NBEA: variants seen among roughly 807,000 people sequenced by gnomAD.
NBEA encodes lysosomal-trafficking regulator 2.
A neutral mutation model predicts 343.4 loss-of-function variants in NBEA; 44 were observed. The ratio of observed to expected loss-of-function variants is 0.13; its 90% confidence interval spans 0.10 to 0.16. The LOEUF (loss-of-function observed/expected upper bound fraction) is 0.16, where lower values mean the gene tolerates loss of function less well. Ranked by LOEUF, NBEA falls within the 10% of genes least tolerant of loss-of-function variation. The pLI is 1.00. For synonymous variants in NBEA, 1,175 were observed against 1,238.7 expected (o/e 0.95, Z 1.08); for missense variants, 2,555 against 3,631.3 (o/e 0.70, Z 7.62).
chr13:35,243,812 A>T (rs2030737655), intron 34 of NBEA, among the ~76,000 whole-genome samples: 1 of 151,958 alleles, frequency 6.6e-6, no homozygotes. Flanking sequence ...GGAGACATTC[A>T]TATCCCAATT....
At chr13:35,158,488 G>A (rs1291938157) in intron 21 of NBEA, among the ~76,000 whole-genome samples, 2 of 151,994 alleles carry the variant, frequency 1.3e-5, no homozygotes, top group African/African-American at 4.8e-5. Flanking sequence ...CCTAAGTAAA[G>A]TAACAAAGCC....
At chr13:35,273,758 A>G (rs958464180) in intron 34 of NBEA, among the ~76,000 whole-genome samples, 9 of 152,176 alleles carry the variant, frequency 5.9e-5, no homozygotes, top group African/African-American at 1.7e-4. Context: ...AAACTAGAAA[A>G]TCTAAAAGAA....
intron 41 of NBEA, among the ~76,000 whole-genome samples, chr13:35,509,875 C>T (rs1197462018): frequency 6.6e-6 from 1 of 152,140 alleles, no homozygotes; most frequent in East Asian, 1.9e-4. Context: ...AGGGTTGTTT[C>T]AGCAGATTGT....
intron 38 of NBEA, among the ~76,000 whole-genome samples, chr13:35,424,987 G>A (rs1268432021): frequency 1.3e-5 from 2 of 152,022 alleles, no homozygotes; most frequent in Non-Finnish European, 2.9e-5. Flanking sequence ...TGGGATCGGT[G>A]GTGATATACC....
Position 35,501,839 on chromosome 13 carries a change from CG to C in NBEA, c.6585+29307del, listed in dbSNP as rs535801531. Among the ~76,000 whole-genome samples the C allele has an allele frequency of 4.6e-5, 7 of 152,172 alleles. No individual in the cohort carries two copies. In the South Asian group the frequency reaches 1.5e-3, roughly 32 times the overall value. On this transcript the variant is annotated intron_variant, in intron 41 of 58. Transcript: ENST00000379939. ...TGCAAAGCCTCCAATATGACGGGGG[CG>C]GGGAACCCCTATTAATCCTTTTAAA...
Position 35,156,149 on chromosome 13 carries a change from G to A in NBEA, c.2594G>A (p.Arg865His), listed in dbSNP as rs1479152232. 28 of 1,591,322 alleles carry A rather than the reference G, an allele frequency of 1.8e-5. No homozygotes were observed. The highest frequency in any genetic ancestry group is 2.3e-5 in the Non-Finnish European group (27 of 1,169,722). ...CCAAGTGCAGAGCTGATGGAAGTTC[G>A]TCGTTTATTTTTATCTGATATGATA... ...STPSAELMEV[R>H]RLFLSDMIKL... The change falls in exon 20 of 59, where the codon CGT becomes CAT. Residue 865 changes from arginine to histidine, a missense_variant. Arg to His is a conservative substitution (Grantham distance 29). Coordinates refer to ENST00000379939, the MANE Select transcript of NBEA (RefSeq NM_001385012.1).
At chr13:35,357,723 A>G (rs781287111) in intron 38 of NBEA, among the ~76,000 whole-genome samples, 2 of 151,994 alleles carry the variant, frequency 1.3e-5, no homozygotes, top group African/African-American at 2.4e-5. Context: ...TGTTGATTTC[A>G]TGTCTTTTGA....
At chr13:35,615,141 A>C (rs1043235584) in intron 48 of NBEA, among the ~76,000 whole-genome samples, 1 of 140,610 alleles carries the variant, frequency 7.1e-6, no homozygotes, top group East Asian at 1.9e-4. Flanking sequence ...AAAAAAAAAA[A>C]AACAAAAAAA....
intron 8 of NBEA, among the ~76,000 whole-genome samples, chr13:35,062,459 G>T (rs893138234): frequency 6.6e-6 from 1 of 151,598 alleles, no homozygotes; most frequent in African/African-American, 2.4e-5. Flanking sequence ...TCTCAGATTT[G>T]GTAAAAGGCT....
chr13:34,995,077 G>A (rs1398329312), intron 1 of NBEA, among the ~76,000 whole-genome samples: 21 of 152,154 alleles, frequency 1.4e-4, no homozygotes, highest in Admixed American at 1.4e-3. Context: ...TTCTGGCAAG[G>A]GGAATAGAGT....
intron 31 of NBEA, among the ~76,000 whole-genome samples, chr13:35,206,805 G>A (rs1436150130): frequency 6.6e-6 from 1 of 152,078 alleles, no homozygotes; most frequent in African/African-American, 2.4e-5. Context: ...CATACAGTTT[G>A]AGAGTGGTCC....
intron 40 of NBEA, among the ~76,000 whole-genome samples, chr13:35,467,747 A>G (rs556755304): frequency 1.2e-4 from 18 of 152,328 alleles, no homozygotes; most frequent in African/African-American, 4.3e-4. Context: ...CAAAATAACA[A>G]TATTTTACAT....
At chr13:34,956,228 C>T (rs1023570778) in intron 1 of NBEA, among the ~76,000 whole-genome samples, 1 of 152,080 alleles carries the variant, frequency 6.6e-6, no homozygotes, top group Admixed American at 6.5e-5. Context: ...AACATTTTAA[C>T]ATTTGGCATT....
At chr13:35,429,171 C>T (rs1466275119) in intron 38 of NBEA, among the ~76,000 whole-genome samples, 1 of 152,222 alleles carries the variant, frequency 6.6e-6, no homozygotes, top group South Asian at 2.1e-4. Flanking sequence ...TCTCCACTGA[C>T]TCCATGTGAG....
intron 53 of NBEA, 37 bp downstream of exon 53, chr13:35,651,913 T>C: frequency 9.1e-7 from 1 of 1,104,280 alleles, no homozygotes; most frequent in Non-Finnish European, 1.3e-6. Flanking sequence ...TCATGGATAC[T>C]ATCCATATAT....
intron 38 of NBEA, among the ~76,000 whole-genome samples, chr13:35,422,092 G>GTT (rs566959976): frequency 1.2e-3 from 111 of 93,112 alleles, no homozygotes; most frequent in Admixed American, 2.7e-3. Context: ...TTGTTTGTTT[G>GTT]TTTTTTTTTT....
intron 34 of NBEA, among the ~76,000 whole-genome samples, chr13:35,236,702 C>A (rs922209178): frequency 6.6e-6 from 1 of 151,458 alleles, no homozygotes. Flanking sequence ...ATGATCCGCC[C>A]GCCTCGGCCT....
At chr13:35,302,023 A>G (rs191300192) in intron 35 of NBEA, among the ~76,000 whole-genome samples, 61 of 152,232 alleles carry the variant, frequency 4.0e-4, no homozygotes, top group African/African-American at 1.4e-3. Context: ...CAACTCTTCT[A>G]CTTGAAGCAG....
At chr13:35,048,422 G>T in intron 4 of NBEA, 141 bp from the exon 5 acceptor site, 1 of 704,990 alleles carries the variant, frequency 1.4e-6, no homozygotes, top group Non-Finnish European at 2.3e-6. Context: ...TAAAATACTA[G>T]CTCTTATTTT....
Sources: allele counts gnomAD v4.1 joint callset (sites outside exome capture counted in the v4.1 genomes callset), GRCh38; gene constraint gnomAD v4.1.1; transcripts MANE v1.5; gene names NCBI Gene and HGNC (gene_info 2026-07-23, HGNC 2026-07-21).